The following NRIP1 variants were observed in gnomAD, a reference collection of about 807,000 sequenced individuals.
The protein encoded by NRIP1 is nuclear receptor-interacting protein 1.
NRIP1 carries 28 observed loss-of-function variants against 75.0 expected under a neutral mutation model. The ratio of observed to expected loss-of-function variants is 0.37; its 90% CI spans 0.28 to 0.51. NRIP1 has a LOEUF of 0.51. NRIP1 is among the 20% of genes least tolerant of loss of function. NRIP1 has a pLI of 0.92. For synonymous variants in NRIP1, 526 were observed against 487.6 expected, an observed-to-expected ratio of 1.08 and a Z score of -1.04; for missense variants, 1,435 against 1,343.7, an observed-to-expected ratio of 1.07 and a Z score of -1.06.
Position 14,969,671 on chromosome 21 carries a change from C to A in NRIP1, c.-334-1145G>T, listed in dbSNP as rs1201898827. On this transcript the variant is annotated intron_variant, in intron 3 of 3. Transcript: ENST00000318948. The stretch of plus-strand genomic sequence containing the variant: ...CAGACCTGAAGCTATCAACAAATAC[C>A]TTGGTCCCTATGGAATTTAAAAGAT... 2.6e-5 allele frequency among the ~76,000 whole-genome samples: 4 copies of A among 152,136 alleles called. No homozygotes were observed. The East Asian group carries it at 7.7e-4, about 29-fold the overall frequency.
intron 2 of NRIP1, among the ~76,000 whole-genome samples, chr21:15,039,135 T>C (rs572930939): frequency 1.4e-3 from 210 of 152,244 alleles, no homozygotes; most frequent in African/African-American, 4.8e-3. Context: ...GCAAGGACTT[T>C]AGTTTTATAC....
chr21:14,970,754 T>C (rs999255464), intron 3 of NRIP1, among the ~76,000 whole-genome samples: 2 of 152,206 alleles, frequency 1.3e-5, no homozygotes, highest in African/African-American at 2.4e-5. Context: ...AAACATACTT[T>C]ATTTAAGAAT....
rs201255767 is a variant in NRIP1, at chr21:14,966,444, G to C, written c.1749C>G (p.Val583=). 7.4e-6 allele frequency: 12 copies of C among 1,614,070 alleles called. No homozygotes were observed. In the African/African-American group the frequency reaches 1.6e-4, roughly 22 times the overall value. The part of the protein sequence containing the change: ...LVIKWNSPPY[V]CSTQSEKLTN... ...TTAGCTTTTCAGACTGAGTACTGCA[G>C]ACATATGGTGGGGAATTCCATTTGA... The change falls in exon 4 of 4, where the codon GTC becomes GTG. Residue 583 remains valine, a synonymous_variant. Transcript: ENST00000318948.
intron 3 of NRIP1, among the ~76,000 whole-genome samples, chr21:15,012,145 C>A (rs1333664077): frequency 6.6e-6 from 1 of 152,156 alleles, no homozygotes; most frequent in Non-Finnish European, 1.5e-5. Flanking sequence ...GTCAAATACT[C>A]ATCTCCTGAG....
intron 1 of NRIP1, chr21:15,051,799 T>C (rs1568733323): frequency 2.0e-5 from 3 of 152,192 alleles, no homozygotes; most frequent in Admixed American, 2.0e-4. Context: ...GCCAGAAGTG[T>C]CTGGCATGTC....
intron 3 of NRIP1, among the ~76,000 whole-genome samples, chr21:14,996,018 G>A (rs1224729515): frequency 2.6e-5 from 4 of 151,832 alleles, no homozygotes; most frequent in Non-Finnish European, 5.9e-5. Context: ...CATTCATTAC[G>A]CTCCAGCCAG....
At chr21:15,038,730 A>C (rs1023790860) in intron 2 of NRIP1, among the ~76,000 whole-genome samples, 1 of 152,032 alleles carries the variant, frequency 6.6e-6, no homozygotes, top group Non-Finnish European at 1.5e-5. Flanking sequence ...TTTTGTTTTC[A>C]TTTCCTTTAA....
At chr21:15,050,817 C>A in intron 1 of NRIP1, 1 of 456,080 alleles carries the variant, frequency 2.2e-6, no homozygotes, top group East Asian at 7.0e-5. Context: ...GCAAACTAAA[C>A]AATCCACAGC....
rs200662702 is a variant in NRIP1 at position 14,964,855 on chromosome 21, T to G, written c.3338A>C (p.Glu1113Ala). ...TAAATTAAAGAAAGAAGCTTTCGTTTCTGCAGTAGGAAGTAACTCTTCTTT... is the reference window on the plus strand; with the variant it reads ...TAAATTAAAGAAAGAAGCTTTCGTTGCTGCAGTAGGAAGTAACTCTTCTTT... The part of the protein sequence containing the change: ...TAKEELLPTA[E>A]TKASFFNLRS... The change falls in exon 4 of 4, where the codon GAA (glutamate) becomes GCA (alanine). Residue 1113 changes from glutamate (E) to alanine (A), a missense_variant. Physicochemically the swap from Glu to Ala is moderately radical, Grantham distance 107 (BLOSUM62 -1). Coordinates refer to ENST00000318948, the MANE Select transcript of NRIP1 (RefSeq NM_003489.4). 6.8e-5 allele frequency: 109 copies of G among 1,613,404 alleles called. No homozygotes were observed. The highest frequency in any genetic ancestry group is 9.0e-5 in the Non-Finnish European group (106 of 1,179,712).
chr21:15,034,887 A>G (rs1225584435), intron 2 of NRIP1, among the ~76,000 whole-genome samples: 8 of 152,184 alleles, frequency 5.3e-5, no homozygotes, highest in African/African-American at 1.9e-4. Context: ...CCAAAAACCT[A>G]TTTTCTTTGT....
At chr21:15,024,520 C>T (rs953444855) in intron 2 of NRIP1, among the ~76,000 whole-genome samples, 4 of 151,480 alleles carry the variant, frequency 2.6e-5, no homozygotes, top group Non-Finnish European at 4.4e-5. Flanking sequence ...CCAGCCTGGG[C>T]GACACTCTGT....
At chr21:15,041,644 A>G (rs2088958124) in intron 2 of NRIP1, among the ~76,000 whole-genome samples, 1 of 152,178 alleles carries the variant, frequency 6.6e-6, no homozygotes, top group Admixed American at 6.5e-5. Context: ...AATAAGAATA[A>G]CTATCAACTC....
chr21:14,975,593 T>C (rs891131879), intron 3 of NRIP1, among the ~76,000 whole-genome samples: 4 of 140,444 alleles, frequency 2.8e-5, no homozygotes, highest in Non-Finnish European at 6.0e-5. Context: ...CACCGCATTC[T>C]AGCCTGCGTG....
At chr21:14,973,678 A>ATT (rs11293384) in intron 3 of NRIP1, among the ~76,000 whole-genome samples, 29,135 of 141,920 alleles carry the variant, frequency 0.21, 3,316 homozygotes, top group Admixed American at 0.27. Flanking sequence ...AGCTCGCATA[A>ATT]TTTTTTTTTT....
At chr21:14,994,043 G>A (rs2087646865) in intron 3 of NRIP1, among the ~76,000 whole-genome samples, 1 of 151,982 alleles carries the variant, frequency 6.6e-6, no homozygotes, top group Non-Finnish European at 1.5e-5. Flanking sequence ...ATATGACACT[G>A]CTTAGTCACA....
intron 3 of NRIP1, among the ~76,000 whole-genome samples, chr21:15,013,734 CTACT>C: frequency 6.6e-6 from 1 of 152,156 alleles, no homozygotes; most frequent in East Asian, 1.9e-4. Flanking sequence ...CTCTGCCCAC[CTACT>C]TGTGTTAATT....
chr21:14,986,828 C>T (rs1008174418), intron 3 of NRIP1, among the ~76,000 whole-genome samples: 1 of 152,164 alleles, frequency 6.6e-6, no homozygotes, highest in Non-Finnish European at 1.5e-5. Context: ...ATTTAAAGAA[C>T]TTGTATCCAA....
chr21:15,062,489 C>T (rs956124832), intron 1 of NRIP1, among the ~76,000 whole-genome samples: 3 of 152,178 alleles, frequency 2.0e-5, no homozygotes, highest in African/African-American at 2.4e-5. Context: ...ACTGCCTTGG[C>T]GCACAAACTG....
intron 2 of NRIP1, among the ~76,000 whole-genome samples, chr21:15,025,046 C>T (rs1182559644): frequency 6.6e-6 from 1 of 152,070 alleles, no homozygotes; most frequent in Non-Finnish European, 1.5e-5. Context: ...CAGGAGTGGT[C>T]CAGCACTGGG....
Sources: allele counts gnomAD v4.1 joint callset (sites outside exome capture counted in the v4.1 genomes callset), GRCh38; gene constraint gnomAD v4.1.1; transcripts MANE v1.5; gene names NCBI Gene and HGNC (gene_info 2026-07-23, HGNC 2026-07-21).